The following TSHZ2 variants were observed in gnomAD, a reference collection of about 807,000 sequenced individuals.
TSHZ2 encodes teashirt homolog 2.
Under a neutral mutation model 74.4 loss-of-function variants are expected in TSHZ2, and 21 were observed. The observed-to-expected ratio is 0.28, with a 90% CI of 0.20 to 0.41. TSHZ2 has a LOEUF of 0.41. TSHZ2 is among the 10% of genes least tolerant of loss of function. The pLI, the probability that TSHZ2 is intolerant of heterozygous loss-of-function variation, is 1.00. For missense variants in TSHZ2, 1,244 were observed against 1,293.5 expected, an observed-to-expected ratio of 0.96 and a Z score of 0.59; for synonymous variants, 540 against 515.3, an observed-to-expected ratio of 1.05 and a Z score of -0.65.
At chr20:53,093,086 T>C (rs1436449164) in intron 1 of TSHZ2, among the ~76,000 whole-genome samples, 2 of 152,220 alleles carry the variant, frequency 1.3e-5, no homozygotes, top group Non-Finnish European at 2.9e-5. Context: ...ACATCCTGGC[T>C]CTGATACTTA....
chr20:53,085,098 C>T (rs766723433), intron 1 of TSHZ2, among the ~76,000 whole-genome samples: 15 of 152,024 alleles, frequency 9.9e-5, no homozygotes, highest in African/African-American at 2.7e-4. Flanking sequence ...TGGTGGCTCA[C>T]GACTGTAATC....
intron 1 of TSHZ2, among the ~76,000 whole-genome samples, chr20:53,148,056 C>G (rs1987587437): frequency 6.6e-6 from 1 of 152,184 alleles, no homozygotes; most frequent in South Asian, 2.1e-4. Flanking sequence ...TGTTGTTACA[C>G]AGCTTAAAAT....
At chr20:53,082,975 G>A (rs764640045) in intron 1 of TSHZ2, among the ~76,000 whole-genome samples, 9 of 152,238 alleles carry the variant, frequency 5.9e-5, no homozygotes, top group African/African-American at 1.9e-4. Context: ...TTGACACTTA[G>A]TGGTGGTAAC....
At chr20:53,084,439 A>G (rs983357095) in intron 1 of TSHZ2, among the ~76,000 whole-genome samples, 2 of 152,228 alleles carry the variant, frequency 1.3e-5, no homozygotes, top group African/African-American at 4.8e-5. Context: ...CTAAAACTGA[A>G]TGATGCTGTA....
chr20:53,242,613 C>T lies in TSHZ2; in HGVS notation c.41-10886C>T, dbSNP rs539591886. On this transcript the variant is annotated intron_variant, in intron 1 of 2. Coordinates refer to ENST00000371497, the MANE Select transcript of TSHZ2 (RefSeq NM_173485.6). ...ATCACACTTGTACCTGATTCATCTA[C>T]TTCCCATAGGGAGTAACCCACCCTG... is the stretch of plus-strand genomic sequence containing the variant. Among the ~76,000 whole-genome samples the T allele has an allele frequency of 1.0e-3, 156 of 151,736 alleles. 1 individual carries two copies. Among genetic ancestry groups the T allele is most frequent in the Non-Finnish European group, 1.2e-3 (79 of 67,926 alleles).
At chr20:53,192,743 A>T (rs183854460) in intron 1 of TSHZ2, among the ~76,000 whole-genome samples, 7 of 152,300 alleles carry the variant, frequency 4.6e-5, no homozygotes. Flanking sequence ...CTCATTGGCA[A>T]TGCTGGAATC....
intron 1 of TSHZ2, among the ~76,000 whole-genome samples, chr20:53,226,482 A>G (rs1008433443): frequency 2.0e-5 from 3 of 151,854 alleles, no homozygotes; most frequent in Non-Finnish European, 2.9e-5. Context: ...TAATTAGAAT[A>G]GTCTGTGGCC....
intron 2 of TSHZ2, among the ~76,000 whole-genome samples, chr20:53,337,375 G>C (rs1979994613): frequency 6.6e-6 from 1 of 152,146 alleles, no homozygotes; most frequent in East Asian, 1.9e-4. Context: ...CATCACAAAG[G>C]GTGCCATGAT....
intron 1 of TSHZ2, among the ~76,000 whole-genome samples, chr20:53,117,799 G>T (rs560807195): frequency 6.6e-6 from 1 of 152,304 alleles, no homozygotes; most frequent in South Asian, 2.1e-4. Flanking sequence ...TGGGTTCTAA[G>T]TAGCTCTCTG....
chr20:53,043,553 A>T (rs1234002927), intron 1 of TSHZ2, among the ~76,000 whole-genome samples: 2 of 152,196 alleles, frequency 1.3e-5, no homozygotes, highest in Non-Finnish European at 1.5e-5. Flanking sequence ...ACTTAAAAAA[A>T]AAATCTCTGA....
chr20:53,130,169 A>G (rs1987063661), intron 1 of TSHZ2, among the ~76,000 whole-genome samples: 1 of 152,046 alleles, frequency 6.6e-6, no homozygotes, highest in African/African-American at 2.4e-5. Context: ...ATCTAAATCT[A>G]TGTAAGACTC....
At chr20:53,159,376 G>T (rs183550070) in intron 1 of TSHZ2, among the ~76,000 whole-genome samples, 2 of 152,164 alleles carry the variant, frequency 1.3e-5, no homozygotes, top group African/African-American at 4.8e-5. Context: ...ATTTGTTGAC[G>T]TATTGTCTGT....
At chr20:53,247,936 G>A (rs982202101) in intron 1 of TSHZ2, among the ~76,000 whole-genome samples, 1 of 152,150 alleles carries the variant, frequency 6.6e-6, no homozygotes, top group African/African-American at 2.4e-5. Flanking sequence ...CTACAGAAAC[G>A]TATACCTAGC....
At chr20:53,396,847 GAAAA>G (rs3042187) in intron 2 of TSHZ2, among the ~76,000 whole-genome samples, 7 of 116,676 alleles carry the variant, frequency 6.0e-5, no homozygotes, top group African/African-American at 2.1e-4. Context: ...GCAATACCCT[GAAAA>G]AAAAAAAAAA....
chr20:53,029,690 T>TAC (rs965545674), intron 1 of TSHZ2, among the ~76,000 whole-genome samples: 3 of 152,086 alleles, frequency 2.0e-5, no homozygotes, highest in Non-Finnish European at 4.4e-5. Flanking sequence ...AATTAATAAA[T>TAC]ACGGATAAAC....
At chr20:53,051,451 G>GCACA (rs1289924266) in intron 1 of TSHZ2, among the ~76,000 whole-genome samples, 13 of 87,576 alleles carry the variant, frequency 1.5e-4, no homozygotes, top group East Asian at 1.1e-3. Flanking sequence ...TTACTCTGTG[G>GCACA]CGCACGCACA....
In TSHZ2 at chr20:53,307,777, C is replaced by G. The variant is rs80178847; in HGVS notation, c.*8+51206C>G. On this transcript the variant is annotated intron_variant, in intron 2 of 2. Transcript: ENST00000371497. ...CAGCCCTTGGGAAATTCCATTATGG[C>G]CACGGATATGGTTTTAAACCCCCAG... Among the ~76,000 whole-genome samples, 956 of 152,266 alleles carry G rather than the reference C, an allele frequency of 6.3e-3. 6 individuals are homozygous for G. The highest frequency in any genetic ancestry group is 0.011 in the Non-Finnish European group (725 of 68,020).
chr20:53,089,060 T>A (rs1046130120), intron 1 of TSHZ2, among the ~76,000 whole-genome samples: 7 of 151,900 alleles, frequency 4.6e-5, no homozygotes, highest in African/African-American at 1.7e-4. Context: ...CTCAACCACC[T>A]CCTCCTCGCC....
chr20:53,033,498 A>T (rs537850512), intron 1 of TSHZ2, among the ~76,000 whole-genome samples: 1 of 152,150 alleles, frequency 6.6e-6, no homozygotes, highest in African/African-American at 2.4e-5. Context: ...TGAGATAAGC[A>T]TGATCCGCCT....
Sources: allele counts gnomAD v4.1 joint callset (sites outside exome capture counted in the v4.1 genomes callset), GRCh38; gene constraint gnomAD v4.1.1; transcripts MANE v1.5; gene names NCBI Gene and HGNC (gene_info 2026-07-23, HGNC 2026-07-21).